NTM: variants seen among roughly 807,000 people sequenced by gnomAD.
NTM encodes neurotrimin, also known as IgLON family member 2.
NTM carries 13 observed loss-of-function variants against 42.1 expected under a neutral mutation model. The ratio of observed to expected loss-of-function variants is 0.31; its 90% CI spans 0.20 to 0.49. The LOEUF is 0.49. Ranked by LOEUF, NTM falls within the 20% of genes least tolerant of loss-of-function variation. The pLI is 0.99. For missense variants in NTM, 373 were observed against 452.8 expected (o/e 0.82, Z 1.60); for synonymous variants, 187 against 179.2 (o/e 1.04, Z -0.35).
chr11:132,023,108 A>G (rs920790818), intron 2 of NTM, among the ~76,000 whole-genome samples: 3 of 152,138 alleles, frequency 2.0e-5, no homozygotes, highest in African/African-American at 7.2e-5. Context: ...TTTTACTTTG[A>G]TTAGGAGGCT....
At chr11:132,039,006 G>A (rs2076849868) in intron 2 of NTM, among the ~76,000 whole-genome samples, 1 of 152,162 alleles carries the variant, frequency 6.6e-6, no homozygotes, top group Admixed American at 6.5e-5. Context: ...TGTCTGAGTG[G>A]TTATTTGAGT....
At chr11:131,494,699 A>T (rs2136316913) in intron 1 of NTM, among the ~76,000 whole-genome samples, 1 of 152,342 alleles carries the variant, frequency 6.6e-6, no homozygotes, top group African/African-American at 2.4e-5. Context: ...ATGAAAAAAA[A>T]ATATCTCCTA....
intron 2 of NTM, among the ~76,000 whole-genome samples, chr11:132,006,589 G>C (rs2070843864): frequency 6.6e-6 from 1 of 152,236 alleles, no homozygotes; most frequent in Admixed American, 6.5e-5. Context: ...CCCTGGAAGA[G>C]GCAGTCCACA....
chr11:132,067,298 G>A (rs2136099410), intron 2 of NTM, among the ~76,000 whole-genome samples: 1 of 152,260 alleles, frequency 6.6e-6, no homozygotes, highest in African/African-American at 2.4e-5. Context: ...CCAACCTTTG[G>A]CTTCCAAAGA....
intron 1 of NTM, among the ~76,000 whole-genome samples, chr11:131,376,591 TC>T (rs796827525): frequency 1.1e-4 from 16 of 152,124 alleles, no homozygotes; most frequent in African/African-American, 3.6e-4. Context: ...AGAGAGACTG[TC>T]AAGCTAAGAA....
At chr11:131,616,030 C>A (rs899134574) in intron 1 of NTM, among the ~76,000 whole-genome samples, 5 of 152,242 alleles carry the variant, frequency 3.3e-5, no homozygotes, top group African/African-American at 1.2e-4. Flanking sequence ...CACATCCTTG[C>A]GTGGCCCTCA....
At chr11:131,867,770 C>T (rs919981495) in intron 1 of NTM, among the ~76,000 whole-genome samples, 18 of 152,046 alleles carry the variant, frequency 1.2e-4, no homozygotes, top group Admixed American at 4.6e-4. Flanking sequence ...GTGTATGATG[C>T]GGGCATGAGA....
chr11:131,622,758 C>T (rs1291637542), intron 1 of NTM, among the ~76,000 whole-genome samples: 1 of 152,088 alleles, frequency 6.6e-6, no homozygotes, highest in African/African-American at 2.4e-5. Flanking sequence ...CCTGATGTTC[C>T]CCTCCCTGAC....
chr11:131,727,042 C>G (rs1005941306), intron 1 of NTM, among the ~76,000 whole-genome samples: 1 of 151,384 alleles, frequency 6.6e-6, no homozygotes, highest in Non-Finnish European at 1.5e-5. Context: ...GCTGCAGCCC[C>G]TAACCCCTCT....
chr11:131,725,686 C>A (rs530776475), intron 1 of NTM, among the ~76,000 whole-genome samples: 4 of 152,326 alleles, frequency 2.6e-5, no homozygotes, highest in African/African-American at 7.2e-5. Flanking sequence ...GGAAGCAATG[C>A]ACCTATAGGG....
intron 2 of NTM, among the ~76,000 whole-genome samples, chr11:131,969,752 G>A (rs1031426320): frequency 4.6e-5 from 7 of 152,196 alleles, no homozygotes; most frequent in Admixed American, 1.3e-4. Flanking sequence ...CTAACCCCAG[G>A]CAACCTGCTC....
At chr11:132,232,877 A>G (rs543489248) in intron 4 of NTM, among the ~76,000 whole-genome samples, 1 of 152,368 alleles carries the variant, frequency 6.6e-6, no homozygotes, top group South Asian at 2.1e-4. Flanking sequence ...CAAAAAACGT[A>G]AGCGGCGTTT....
At chr11:132,329,386 G>A (rs919622989) in intron 7 of NTM, among the ~76,000 whole-genome samples, 12 of 152,204 alleles carry the variant, frequency 7.9e-5, no homozygotes, top group Non-Finnish European at 1.8e-4. Flanking sequence ...AGTTGAAGCT[G>A]GTGAAATGGA....
intron 1 of NTM, among the ~76,000 whole-genome samples, chr11:131,474,265 C>A (rs2136195353): frequency 6.6e-6 from 1 of 152,280 alleles, no homozygotes; most frequent in South Asian, 2.1e-4. Flanking sequence ...CCTCCTCCAT[C>A]TGGAAACTCT....
At chr11:131,809,213 C>A (rs1343607308) in intron 1 of NTM, among the ~76,000 whole-genome samples, 4 of 152,200 alleles carry the variant, frequency 2.6e-5, no homozygotes, top group East Asian at 3.8e-4. Flanking sequence ...CTACAAAAGT[C>A]TTTGAAAGAA....
At chr11:131,579,928 T>A (rs1002706698) in intron 1 of NTM, among the ~76,000 whole-genome samples, 4 of 152,168 alleles carry the variant, frequency 2.6e-5, no homozygotes, top group Non-Finnish European at 1.5e-5. Flanking sequence ...CAATGCCATA[T>A]TTAGAATGGC....
Position 131,598,782 on chromosome 11 carries a change from C to CTTCT in NTM, c.82+227909_82+227912dup, listed in dbSNP as rs66611053. Among the ~76,000 whole-genome samples the CTTCT allele has an allele frequency of 3.3e-5, 2 of 59,738 alleles. 1 individual carries two copies. Among genetic ancestry groups the CTTCT allele is most frequent in the Admixed American group, 3.8e-4 (2 of 5,312 alleles). The allele number at this position is 59,738 out of a possible 152,430, so 39.2% of individuals were successfully genotyped here. A position where few individuals can be genotyped will look rare whatever the true frequency, so the allele number is the denominator to read the frequency against. ...TCTTTCTTTTTTTCTTTCTTTCTTT[C>CTTCT]TTCTTTCTTTCTTTCTTTTTCTTTC... On this transcript the variant is annotated intron_variant, in intron 1 of 8. Transcript: ENST00000683400.
At chr11:132,247,201 T>C (rs1475769824) in intron 4 of NTM, among the ~76,000 whole-genome samples, 1 of 152,208 alleles carries the variant, frequency 6.6e-6, no homozygotes, top group East Asian at 1.9e-4. Flanking sequence ...TCTGCGTGTA[T>C]GTCCAGCTCA....
At chr11:131,936,121 A>G (rs969296473) in intron 2 of NTM, among the ~76,000 whole-genome samples, 2 of 152,200 alleles carry the variant, frequency 1.3e-5, no homozygotes, top group African/African-American at 4.8e-5. Context: ...ACATTTTAAA[A>G]CATGCAAAAT....
Sources: allele counts gnomAD v4.1 joint callset (sites outside exome capture counted in the v4.1 genomes callset), GRCh38; gene constraint gnomAD v4.1.1; transcripts MANE v1.5; gene names NCBI Gene and HGNC (gene_info 2026-07-23, HGNC 2026-07-21).